The following BNC1 variants were observed in gnomAD, a reference collection of about 807,000 sequenced individuals.
The protein encoded by BNC1 is zinc finger protein basonuclin-1.
In BNC1, 8 loss-of-function variants were observed where a neutral mutation model predicts 66.5. That is an observed-to-expected ratio of 0.12 (90% CI 0.07 to 0.22). The LOEUF (loss-of-function observed/expected upper bound fraction) is 0.22. Ranked by LOEUF, BNC1 falls within the 10% of genes least tolerant of loss-of-function variation. The pLI is 1.00. For missense variants in BNC1, 1,069 were observed against 1,241.3 expected (o/e 0.86, Z 2.09); for synonymous variants, 454 against 452.6 (o/e 1.00, Z -0.04).
rs549351242 is a variant in BNC1 at position 83,263,748 on chromosome 15, T to A, written c.1503A>T (p.Val501=). The A allele has an allele frequency of 8.1e-6, 13 of 1,614,230 alleles. No individual in the cohort carries two copies. The South Asian group carries it at 1.1e-4, about 14-fold the overall frequency. The part of the protein sequence containing the change: ...FYRSPATPAE[V]ANTPGILPSL... Reference sequence around the variant, plus strand: ...AAGGGAGTATCCCAGGCGTGTTTGCTACCTCGGCAGGCGTGGCTGGACTGC... The same window carrying A: ...AAGGGAGTATCCCAGGCGTGTTTGCAACCTCGGCAGGCGTGGCTGGACTGC... The change falls in exon 4 of 5, where the codon GTA becomes GTT. Residue 501 remains valine (V), a synonymous_variant. Transcript: ENST00000345382.
intron 1 of BNC1, among the ~76,000 whole-genome samples, chr15:83,282,798 A>G (rs770427524): frequency 3.3e-5 from 5 of 152,250 alleles, no homozygotes; most frequent in Non-Finnish European, 5.9e-5. Context: ...TGAAAAGAAT[A>G]TATTTTTAAA....
At chr15:83,281,767 A>T (rs996348572) in intron 1 of BNC1, among the ~76,000 whole-genome samples, 1 of 152,242 alleles carries the variant, frequency 6.6e-6, no homozygotes, top group Non-Finnish European at 1.5e-5. Flanking sequence ...AGGCATTCAT[A>T]AATGACAAAT....
intron 2 of BNC1, 69 bp from the exon 3 acceptor site, chr15:83,267,140 A>T: frequency 1.6e-6 from 2 of 1,285,324 alleles, no homozygotes; most frequent in Non-Finnish European, 2.2e-6. Context: ...TGCAAAAAAA[A>T]GTAGGTTAGG....
At chr15:83,273,028 A>T (rs1392021020) in intron 1 of BNC1, among the ~76,000 whole-genome samples, 1 of 152,014 alleles carries the variant, frequency 6.6e-6, no homozygotes, top group Non-Finnish European at 1.5e-5. Context: ...CTATAGTTTT[A>T]GTTTGGGGGC....
At position 83,266,932 on chromosome 15, in the gene BNC1, G is replaced by A. The variant is rs1217183710; in HGVS notation, c.339C>T (p.Asp113=). The A allele has an allele frequency of 6.2e-7, 1 of 1,614,198 alleles. No homozygotes were observed. The highest frequency in any genetic ancestry group is 1.7e-5 in the Admixed American group (1 of 60,032). ...CTTGCTTCAACACACTGAAGAGCCGGTCCAGTAGGATTTTTAGGCGAACGG... is the reference window on the plus strand; with the variant it reads ...CTTGCTTCAACACACTGAAGAGCCGATCCAGTAGGATTTTTAGGCGAACGG... ...AIPVRLKILL[D]RLFSVLKQDE... is the part of the protein sequence containing the mutation. Residue 113 remains aspartate (D), a synonymous_variant, in exon 3 of 5, where the codon GAC becomes GAT. Transcript: ENST00000345382.
rs775640292 is a variant in BNC1, at chr15:83,263,950, C to T, written c.1301G>A (p.Ser434Asn). 1.6e-5 allele frequency: 26 copies of T among 1,614,084 alleles called. No individual in the cohort carries two copies. Among genetic ancestry groups the T allele is most frequent in the Non-Finnish European group, 2.2e-5 (26 of 1,180,052 alleles). Reference sequence around the variant, plus strand: ...ACCTGGGCACTTGTAGTTCTCAGAGCTGGCCAGGTTCAGGCTGTTCCTGAG... The same window carrying T: ...ACCTGGGCACTTGTAGTTCTCAGAGTTGGCCAGGTTCAGGCTGTTCCTGAG... Reference protein sequence around the residue: ...KDLRNSLNLASSENYKCPGFT... With the variant: ...KDLRNSLNLANSENYKCPGFT... Residue 434 changes from serine (S) to asparagine (N), a missense_variant, in exon 4 of 5, where the codon AGC (serine) becomes AAC (asparagine). By Grantham distance (46) the Ser-to-Asn change is conservative (BLOSUM62 1). This residue lies in a region of BNC1 where 657 missense variants were observed against 715.8 expected (regional missense o/e 0.92). Coordinates refer to ENST00000345382, the MANE Select transcript of BNC1 (RefSeq NM_001717.4).
intron 1 of BNC1, among the ~76,000 whole-genome samples, chr15:83,279,613 C>A (rs570175036): frequency 2.0e-5 from 3 of 152,278 alleles, no homozygotes; most frequent in African/African-American, 7.2e-5. Flanking sequence ...GCAGTGAGAC[C>A]TACCTTGAAA....
chr15:83,268,408 G>C lies in BNC1; in HGVS notation c.100-176C>G, dbSNP rs139170455. Among the ~76,000 whole-genome samples, 945 of 152,282 alleles carry C rather than the reference G, an allele frequency of 6.2e-3. 7 individuals are homozygous for C. The highest frequency in any genetic ancestry group is 9.6e-3 in the Non-Finnish European group (650 of 68,022). ...TCTGGAAAGATGAGCAGCCACCCCTGCACCTGGAGACCGTGAACACATTAC... is the reference window on the plus strand; with the variant it reads ...TCTGGAAAGATGAGCAGCCACCCCTCCACCTGGAGACCGTGAACACATTAC... On this transcript the variant is annotated intron_variant, in intron 1 of 4. Transcript: ENST00000345382.
chr15:83,262,828 A>C, intron 4 of BNC1, 123 bp downstream of exon 4: 1 of 1,027,362 alleles, frequency 9.7e-7, no homozygotes, highest in Middle Eastern at 3.2e-4. Flanking sequence ...AGATCTAATG[A>C]AGTGGAAATT....
chr15:83,270,410 A>T (rs1379403017), intron 1 of BNC1, among the ~76,000 whole-genome samples: 1 of 152,214 alleles, frequency 6.6e-6, no homozygotes, highest in East Asian at 1.9e-4. Flanking sequence ...GAAACTGCCA[A>T]ACTTTTCCAA....
chr15:83,270,772 A>G (rs2038262279), intron 1 of BNC1, among the ~76,000 whole-genome samples: 1 of 152,098 alleles, frequency 6.6e-6, no homozygotes, highest in African/African-American at 2.4e-5. Context: ...ACTTTCTCCC[A>G]TCCTTGGGTT....
chr15:83,263,790 T>C lies in BNC1; in HGVS notation c.1461A>G (p.Pro487=). 6.2e-7 allele frequency: 1 copy of C among 1,614,194 alleles called. No homozygotes were observed. ...CTGGACTGCGGTAGAAAGGAAGGAC[T>C]GGCTGGACTGTCTTTAGGTTGGGAA... ...VLFPNLKTVQ[P]VLPFYRSPAT... is the part of the protein sequence containing the mutation. Residue 487 remains proline (P), a synonymous_variant, in exon 4 of 5, where the codon CCA becomes CCG. Transcript: ENST00000345382.
At chr15:83,266,734 C>A (rs1291990960) in intron 3 of BNC1, 102 bp downstream of exon 3, 3 of 1,039,174 alleles carry the variant, frequency 2.9e-6, no homozygotes, top group Non-Finnish European at 4.5e-6. Context: ...GGAAAGATGG[C>A]CACCAAGGGC....
chr15:83,263,443 G>C lies in BNC1; in HGVS notation c.1808C>G (p.Pro603Arg), dbSNP rs2038171219. ...VQSGGLGKPFPEGERPCHRES... is the reference protein window; with the variant it reads ...VQSGGLGKPFREGERPCHRES... ...ACGATGGCAGGGCCTCTCCCCTTCA[G>C]GGAAAGGCTTCCCTAAGCCTCCTGA... Residue 603 changes from proline (P) to arginine (R), a missense_variant, in exon 4 of 5, where the codon CCT (proline) becomes CGT (arginine). This residue lies in a region of BNC1 where 657 missense variants were observed against 715.8 expected (regional missense o/e 0.92). Coordinates refer to ENST00000345382, the MANE Select transcript of BNC1 (RefSeq NM_001717.4). 1 of 1,614,182 alleles carries C rather than the reference G, an allele frequency of 6.2e-7. No individual in the cohort carries two copies. Among genetic ancestry groups the C allele is most frequent in the South Asian group, 1.1e-5 (1 of 91,080 alleles).
chr15:83,277,910 T>G (rs1419124767), intron 1 of BNC1, among the ~76,000 whole-genome samples: 1 of 152,228 alleles, frequency 6.6e-6, no homozygotes, highest in African/African-American at 2.4e-5. Context: ...CTTACTTTCC[T>G]TATTAGAACT....
intron 3 of BNC1, among the ~76,000 whole-genome samples, chr15:83,265,312 T>TCTA (rs1405480091): frequency 1.3e-5 from 2 of 152,230 alleles, no homozygotes; most frequent in Non-Finnish European, 2.9e-5. Flanking sequence ...ACTGTATTGA[T>TCTA]CTACTGCACA....
In BNC1 at chr15:83,264,609, C is replaced by T. The variant is rs772576851; in HGVS notation, c.642G>A (p.Arg214=). 11 of 1,614,094 alleles carry T rather than the reference C, an allele frequency of 6.8e-6. No homozygotes were observed. In the South Asian group the frequency reaches 1.1e-4, roughly 16 times the overall value. The change falls in exon 4 of 5, where the codon AGG becomes AGA. Residue 214 remains arginine (R), a synonymous_variant. Coordinates refer to ENST00000345382, the MANE Select transcript of BNC1 (RefSeq NM_001717.4). ...CCACAGGAGTGGGGAGGCTAGAACT[C>T]CTGTGACTGCAGCTCTCGATGAAAG... The part of the protein sequence containing the change: ...IRAFIESCSH[R]SSSLPTPVDK...
At chr15:83,271,303 G>T (rs1814168978) in intron 1 of BNC1, among the ~76,000 whole-genome samples, 1 of 152,148 alleles carries the variant, frequency 6.6e-6, no homozygotes, top group African/African-American at 2.4e-5. Context: ...AATTTTTCAT[G>T]ATTTGACTGT....
At chr15:83,274,631 C>T (rs2038301702) in intron 1 of BNC1, among the ~76,000 whole-genome samples, 1 of 152,192 alleles carries the variant, frequency 6.6e-6, no homozygotes, top group African/African-American at 2.4e-5. Context: ...CACTACAGTA[C>T]TGTGAGGAGA....
Sources: allele counts gnomAD v4.1 joint callset (sites outside exome capture counted in the v4.1 genomes callset), GRCh38; gene constraint gnomAD v4.1.1; regional missense constraint gnomAD v4.1.1; transcripts MANE v1.5; gene names NCBI Gene and HGNC (gene_info 2026-07-23, HGNC 2026-07-21).